The following NR2F6 variants were observed in gnomAD, a reference collection of about 807,000 sequenced individuals.
NR2F6 encodes nuclear receptor subfamily 2 group F member 6.
NR2F6 carries 16 observed loss-of-function variants against 26.5 expected under a neutral mutation model. The observed-to-expected ratio is 0.60, with a 90% CI of 0.41 to 0.92. The LOEUF is 0.92. NR2F6 is among the 40% of genes least tolerant of loss of function. NR2F6 has a pLI of 0.00. For synonymous variants in NR2F6, 325 were observed against 305.0 expected (o/e 1.07, Z -0.68); for missense variants, 536 against 631.7 (o/e 0.85, Z 1.62).
chr19:17,236,007 GC>G lies in NR2F6; in HGVS notation c.431del (p.Gly144AlafsTer26). On this transcript the variant is annotated frameshift_variant, in exon 3 of 4. Transcript: ENST00000291442. LOFTEE classifies it high-confidence loss of function. ...CCGCCAGCGCCGAGCCCGGGGGGCTGCCCGAGGAGGCGGCCACGGCACCAGG... is the reference window on the plus strand; with the variant it reads ...CCGCCAGCGCCGAGCCCGGGGGGCTGCCGAGGAGGCGGCCACGGCACCAGG... ...SLPGAVAASS[G>X]SPPGSALAAV... The G allele has an allele frequency of 1.4e-6, 2 of 1,419,410 alleles. No homozygotes were observed. The highest frequency in any genetic ancestry group is 1.8e-6 in the Non-Finnish European group (2 of 1,092,416). The allele number at this position is 1,419,410 out of a possible 1,614,324, so 87.9% of individuals were successfully genotyped here. A position where few individuals can be genotyped will look rare whatever the true frequency, so the allele number is the denominator to read the frequency against.
chr19:17,235,995 G>A lies in NR2F6; in HGVS notation c.444C>T (p.Gly148=), dbSNP rs1407556591. The A allele has an allele frequency of 7.0e-7, 1 of 1,438,436 alleles. No homozygotes were observed. Among genetic ancestry groups the A allele is most frequent in the Non-Finnish European group, 9.1e-7 (1 of 1,100,472 alleles). The allele number at this position is 1,438,436 out of a possible 1,614,324, so 89.1% of individuals were successfully genotyped here. A position where few individuals can be genotyped will look rare whatever the true frequency, so the allele number is the denominator to read the frequency against. ...CGCTCGCCACTGCCGCCAGCGCCGAGCCCGGGGGGCTGCCCGAGGAGGCGG... is the reference window on the plus strand; with the variant it reads ...CGCTCGCCACTGCCGCCAGCGCCGAACCCGGGGGGCTGCCCGAGGAGGCGG... ...AVAASSGSPP[G]SALAAVASGG... Residue 148 remains glycine (G), a synonymous_variant, in exon 3 of 4, where the codon GGC becomes GGT. Coordinates refer to ENST00000291442, the MANE Select transcript of NR2F6 (RefSeq NM_005234.4). The surrounding 1 kb of genome is among the most constrained non-coding windows in gnomAD (Gnocchi z 5.0).
At chr19:17,240,873 C>T (rs1394402718) in intron 1 of NR2F6, 108 bp from the exon 2 acceptor site, 6 of 1,063,970 alleles carry the variant, frequency 5.6e-6, no homozygotes, top group East Asian at 2.4e-5. Context: ...TAGTAGGGGC[C>T]CTCTAGACTG....
intron 2 of NR2F6, among the ~76,000 whole-genome samples, chr19:17,237,976 C>A (rs112669885): frequency 1.3e-5 from 2 of 151,966 alleles, no homozygotes; most frequent in African/African-American, 4.8e-5. Context: ...CCCGTCTCTA[C>A]AAAAAATTAA....
chr19:17,234,107 C>T (rs555435527), intron 3 of NR2F6, among the ~76,000 whole-genome samples: 81 of 151,880 alleles, frequency 5.3e-4, no homozygotes, highest in African/African-American at 1.9e-3. Flanking sequence ...CCTGTAATCC[C>T]AGCTACTCAG....
intron 1 of NR2F6, among the ~76,000 whole-genome samples, chr19:17,243,892 C>CTGGGCTTT (rs1194022985): frequency 6.6e-6 from 1 of 152,230 alleles, no homozygotes; most frequent in African/African-American, 2.4e-5. Context: ...GGACCTCTCT[C>CTGGGCTTT]TGGGCCTTTG....
Position 17,235,379 on chromosome 19 carries a change from G to A in NR2F6, c.940+120C>T. On this transcript the variant is annotated intron_variant, in intron 3 of 3. Transcript: ENST00000291442. This position sits in a 1 kb window ranked among gnomAD's most constrained non-coding sequence, Gnocchi z 5.0. Reference sequence around the variant, plus strand: ...GAGCGTTCACTCACGGCGCGTGCAGGGCCCCAGGCCTAGGGAGCGAGCGGG... The same window carrying A: ...GAGCGTTCACTCACGGCGCGTGCAGAGCCCCAGGCCTAGGGAGCGAGCGGG... 1 of 1,469,022 alleles carries A rather than the reference G, an allele frequency of 6.8e-7. No homozygotes were observed. Among genetic ancestry groups the A allele is most frequent in the East Asian group, 2.6e-5 (1 of 38,330 alleles). The allele number at this position is 1,469,022 out of a possible 1,614,324, so 91.0% of individuals were successfully genotyped here. A position where few individuals can be genotyped will look rare whatever the true frequency, so the allele number is the denominator to read the frequency against.
At chr19:17,243,315 T>TG (rs1323329586) in intron 1 of NR2F6, among the ~76,000 whole-genome samples, 1 of 152,190 alleles carries the variant, frequency 6.6e-6, no homozygotes, top group Non-Finnish European at 1.5e-5. Flanking sequence ...GACTTGGAGC[T>TG]GGGGTCTCTC....
At chr19:17,233,199 C>T (rs2073417355) in intron 3 of NR2F6, among the ~76,000 whole-genome samples, 1 of 152,046 alleles carries the variant, frequency 6.6e-6, no homozygotes, top group Admixed American at 6.6e-5. Flanking sequence ...CGCTTGTAGT[C>T]CCAGCTCCTC....
intron 2 of NR2F6, among the ~76,000 whole-genome samples, chr19:17,239,471 A>G (rs2145566871): frequency 6.6e-6 from 1 of 152,114 alleles, no homozygotes; most frequent in South Asian, 2.1e-4. Context: ...CCTGGCTAAC[A>G]TGGTGAAACC....
intron 3 of NR2F6, among the ~76,000 whole-genome samples, chr19:17,234,797 T>G (rs1028686740): frequency 6.6e-6 from 1 of 152,094 alleles, no homozygotes. Context: ...AGATCAAGGC[T>G]GCAGTGAACC....
chr19:17,243,965 T>C (rs531609751), intron 1 of NR2F6, among the ~76,000 whole-genome samples: 32 of 152,180 alleles, frequency 2.1e-4, no homozygotes, highest in Middle Eastern at 6.8e-3. Context: ...AGACCCTGCA[T>C]GTTCCTGGGG....
chr19:17,238,127 G>A (rs1407940709), intron 2 of NR2F6, among the ~76,000 whole-genome samples: 1 of 152,112 alleles, frequency 6.6e-6, no homozygotes, highest in Non-Finnish European at 1.5e-5. Context: ...GTGAGACCCC[G>A]TCTCAAAAAC....
chr19:17,233,373 A>T (rs1023485000), intron 3 of NR2F6, among the ~76,000 whole-genome samples: 5 of 152,130 alleles, frequency 3.3e-5, no homozygotes, highest in African/African-American at 1.2e-4. Flanking sequence ...TGCAAATGGG[A>T]CTATCTAAGA....
Position 17,235,397 on chromosome 19 carries a change from C to G in NR2F6, c.940+102G>C, listed in dbSNP as rs370386709. On this transcript the variant is annotated intron_variant, in intron 3 of 3. Transcript: ENST00000291442. The surrounding 1 kb of genome is among the most constrained non-coding windows in gnomAD (Gnocchi z 5.0). The stretch of plus-strand genomic sequence containing the variant: ...CGTGCAGGGCCCCAGGCCTAGGGAG[C>G]GAGCGGGGCGCTATGGGGGCCGGAG... 3.3e-6 allele frequency: 5 copies of G among 1,494,566 alleles called. No homozygotes were observed. The East Asian group carries it at 1.0e-4, about 31-fold the overall frequency. 92.6% of individuals were successfully genotyped at this position (1,494,566 alleles called of 1,614,324 possible).
At chr19:17,237,225 T>C (rs2073443802) in intron 2 of NR2F6, among the ~76,000 whole-genome samples, 1 of 152,120 alleles carries the variant, frequency 6.6e-6, no homozygotes, top group East Asian at 1.9e-4. Context: ...GATAGGTGGA[T>C]GGGGCCCAAA....
intron 1 of NR2F6, among the ~76,000 whole-genome samples, chr19:17,243,476 A>C (rs2073479695): frequency 6.7e-6 from 1 of 149,306 alleles, no homozygotes; most frequent in Non-Finnish European, 1.5e-5. Context: ...CCCCACCCAA[A>C]ATTGCTGCTC....
intron 3 of NR2F6, among the ~76,000 whole-genome samples, chr19:17,233,102 G>A (rs1178554060): frequency 6.6e-6 from 1 of 152,070 alleles, no homozygotes; most frequent in Non-Finnish European, 1.5e-5. Context: ...AGCCGAGATC[G>A]TGCCACTGCA....
intron 1 of NR2F6, among the ~76,000 whole-genome samples, chr19:17,243,148 C>T (rs2073478341): frequency 6.6e-6 from 1 of 152,204 alleles, no homozygotes; most frequent in African/African-American, 2.4e-5. Flanking sequence ...CACCTGCCAA[C>T]TCCATGCTTC....
At position 17,234,629 on chromosome 19, in the gene NR2F6, G is replaced by A. The variant is rs1407205022; in HGVS notation, c.940+870C>T. Among the ~76,000 whole-genome samples the A allele has an allele frequency of 2.0e-5, 3 of 152,182 alleles. No homozygotes were observed. The East Asian group carries it at 5.8e-4, about 29-fold the overall frequency. On this transcript the variant is annotated intron_variant, in intron 3 of 3. Coordinates refer to ENST00000291442, the MANE Select transcript of NR2F6 (RefSeq NM_005234.4). ...CACTTTGGGTGGCTGAGGCAGGACT[G>A]GTTGCGCCCAGAAGCTCAAGACCAG...
Sources: gnomAD v4.1 joint callset for allele counts (sites outside exome capture counted in the v4.1 genomes callset) on GRCh38, gnomAD v4.1.1 for gene constraint, Gnocchi (gnomAD v3.1) non-coding constraint, MANE v1.5 for transcripts, NCBI Gene and HGNC (gene_info 2026-07-23, HGNC 2026-07-21) for gene names.